The following CNKSR3 variants were observed in gnomAD, a reference collection of about 807,000 sequenced individuals.
CNKSR3 encodes the protein connector enhancer of kinase suppressor of ras 3.
Under a neutral mutation model 67.7 loss-of-function variants are expected in CNKSR3, and 36 were observed. That is an observed-to-expected ratio of 0.53 (90% CI 0.41 to 0.70). The LOEUF (loss-of-function observed/expected upper bound fraction) is 0.70. Among genes scored for constraint, CNKSR3 ranks in the 30% least tolerant of loss-of-function variants. CNKSR3 has a pLI of 0.00. For missense variants in CNKSR3, 630 were observed against 695.2 expected (o/e 0.91, Z 1.05); for synonymous variants, 281 against 271.4 (o/e 1.04, Z -0.35).
At chr6:154,495,168 C>T (rs1314494865) in intron 1 of CNKSR3, among the ~76,000 whole-genome samples, 1 of 152,126 alleles carries the variant, frequency 6.6e-6, no homozygotes, top group East Asian at 1.9e-4. Flanking sequence ...CTCATTACAA[C>T]ATGACACAAT....
chr6:154,422,282 C>T (rs373342653), intron 9 of CNKSR3, among the ~76,000 whole-genome samples: 41 of 152,192 alleles, frequency 2.7e-4, no homozygotes, highest in African/African-American at 9.2e-4. Flanking sequence ...TGAGCCACCG[C>T]GCCTGGCCTC....
rs1300314793 is a variant in CNKSR3, at chr6:154,389,264, G to C, written c.*17090C>G. On this transcript the variant is annotated 3_prime_UTR_variant, in exon 13 of 13. Coordinates refer to ENST00000607772, the MANE Select transcript of CNKSR3 (RefSeq NM_173515.4). ...TTTAATCCATTTTGAGTTGGGTTTT[G>C]TATGTGATGTAAGATAAAAGTCCAG... is the stretch of plus-strand genomic sequence containing the variant. The C allele has an allele frequency of 6.6e-6, 1 of 152,158 alleles. No homozygotes were observed. Among genetic ancestry groups the C allele is most frequent in the African/African-American group, 2.4e-5 (1 of 41,428 alleles). 9.4% of individuals were successfully genotyped at this position (152,158 alleles called of 1,614,324 possible).
chr6:154,456,238 T>A (rs73574986), intron 1 of CNKSR3, among the ~76,000 whole-genome samples: 1 of 152,074 alleles, frequency 6.6e-6, no homozygotes, highest in South Asian at 2.1e-4. Flanking sequence ...GTTCTTCCAA[T>A]GTTTTGCATT....
In CNKSR3 at chr6:154,406,168, T is replaced by G; in HGVS notation, c.*186A>C. On this transcript the variant is annotated 3_prime_UTR_variant, in exon 13 of 13. Coordinates refer to ENST00000607772, the MANE Select transcript of CNKSR3 (RefSeq NM_173515.4). ...TGTCTCCACAAGCCAGCACCTAAGATCCTCTGAATTTGTTCCCATCCAATC... is the reference window on the plus strand; with the variant it reads ...TGTCTCCACAAGCCAGCACCTAAGAGCCTCTGAATTTGTTCCCATCCAATC... 1 of 606,812 alleles carries G rather than the reference T, an allele frequency of 1.6e-6. No homozygotes were observed. Among genetic ancestry groups the G allele is most frequent in the Non-Finnish European group, 2.9e-6 (1 of 346,778 alleles). 37.6% of individuals were successfully genotyped at this position (606,812 alleles called of 1,614,324 possible).
chr6:154,412,406 A>C (rs1400279597), intron 10 of CNKSR3, among the ~76,000 whole-genome samples: 1 of 152,016 alleles, frequency 6.6e-6, no homozygotes, highest in Non-Finnish European at 1.5e-5. Context: ...AGGTTCCTTT[A>C]TCTCTCACTA....
chr6:154,484,617 G>A (rs145441705), intron 1 of CNKSR3, among the ~76,000 whole-genome samples: 1,822 of 149,818 alleles, frequency 0.012, 14 homozygotes, highest in Non-Finnish European at 0.019. Context: ...CAGAAGAATC[G>A]CCGGAACCCA....
At chr6:154,436,007 T>C (rs1187487818) in intron 4 of CNKSR3, among the ~76,000 whole-genome samples, 2 of 151,942 alleles carry the variant, frequency 1.3e-5, no homozygotes, top group Non-Finnish European at 2.9e-5. Context: ...CCTGAGAATT[T>C]GGTGTGATGG....
At chr6:154,454,539 GTTGT>G (rs1360908588) in intron 1 of CNKSR3, among the ~76,000 whole-genome samples, 1 of 151,990 alleles carries the variant, frequency 6.6e-6, no homozygotes, top group African/African-American at 2.4e-5. Context: ...GAAAAAATTT[GTTGT>G]TTGTTTGTTT....
chr6:154,435,747 G>A (rs1785457608), intron 4 of CNKSR3, among the ~76,000 whole-genome samples: 1 of 152,244 alleles, frequency 6.6e-6, no homozygotes, highest in Non-Finnish European at 1.5e-5. Context: ...TCACCTGGCA[G>A]CAGAGGCCCA....
intron 1 of CNKSR3, among the ~76,000 whole-genome samples, chr6:154,503,624 G>A (rs1266982794): frequency 7.2e-6 from 1 of 138,378 alleles, no homozygotes; most frequent in Non-Finnish European, 1.5e-5. Context: ...AAGAGAGCAA[G>A]ACCCTGCCTC....
chr6:154,509,137 G>A (rs1445750284), intron 1 of CNKSR3, among the ~76,000 whole-genome samples: 1 of 151,898 alleles, frequency 6.6e-6, no homozygotes, highest in African/African-American at 2.4e-5. Context: ...CGTTGGGGGT[G>A]GGGGGAAACC....
At chr6:154,441,260 A>AAAAAAAAAAG (rs1554233441) in intron 4 of CNKSR3, 32 bp downstream of exon 4, 5 of 1,259,580 alleles carry the variant, frequency 4.0e-6, no homozygotes, top group Non-Finnish European at 3.3e-6. Context: ...AAAAAAAAAA[A>AAAAAAAAAAG]AAAAAGAAAG....
chr6:154,395,819 C>T lies in CNKSR3; in HGVS notation c.*10535G>A, dbSNP rs1241448386. 1 of 152,422 alleles carries T rather than the reference C, an allele frequency of 6.6e-6. No individual in the cohort carries two copies. Among genetic ancestry groups the T allele is most frequent in the Non-Finnish European group, 1.5e-5 (1 of 68,230 alleles). The allele number at this position is 152,422 out of a possible 1,614,324, so 9.4% of individuals were successfully genotyped here. Reference sequence around the variant, plus strand: ...GTGCAATCTGGGCTTACTGCAGCCTCTACCTCTCAGGCTCAAGAGATCCTC... The same window carrying T: ...GTGCAATCTGGGCTTACTGCAGCCTTTACCTCTCAGGCTCAAGAGATCCTC... On this transcript the variant is annotated 3_prime_UTR_variant, in exon 13 of 13. Transcript: ENST00000607772.
At chr6:154,415,718 A>C (rs926798510) in intron 9 of CNKSR3, among the ~76,000 whole-genome samples, 2 of 152,248 alleles carry the variant, frequency 1.3e-5, no homozygotes, top group African/African-American at 4.8e-5. Context: ...CGTTTATTTT[A>C]GTACTATTTA....
chr6:154,409,591 G>A (rs1313762437), intron 12 of CNKSR3, among the ~76,000 whole-genome samples: 7 of 152,106 alleles, frequency 4.6e-5, no homozygotes, highest in African/African-American at 1.2e-4. Flanking sequence ...GGTGGCACAC[G>A]TCTGTAACAC....
rs1306140595 is a variant in CNKSR3, at chr6:154,403,450, A to G, written c.*2904T>C. 2.6e-5 allele frequency: 4 copies of G among 152,080 alleles called. No individual in the cohort carries two copies. The highest frequency in any genetic ancestry group is 9.7e-5 in the African/African-American group (4 of 41,422). 9.4% of individuals were successfully genotyped at this position (152,080 alleles called of 1,614,324 possible). A position where few individuals can be genotyped will look rare whatever the true frequency, so the allele number is the denominator to read the frequency against. ...TTTTTTAAAGAAATAAAAATAAAGA[A>G]TCCTGTCAAAAAGCATCATCAAGCA... On this transcript the variant is annotated 3_prime_UTR_variant, in exon 13 of 13. Coordinates refer to ENST00000607772, the MANE Select transcript of CNKSR3 (RefSeq NM_173515.4).
chr6:154,418,932 A>G (rs888415810), intron 9 of CNKSR3, among the ~76,000 whole-genome samples: 6 of 151,628 alleles, frequency 4.0e-5, no homozygotes, highest in Admixed American at 3.3e-4. Context: ...CAAAGTATAT[A>G]AGGAACTCAA....
At chr6:154,430,731 C>T (rs1351864474) in intron 5 of CNKSR3, 140 bp from the exon 6 acceptor site, 1 of 758,808 alleles carries the variant, frequency 1.3e-6, no homozygotes, top group Non-Finnish European at 2.1e-6. Context: ...TCAGTGAATG[C>T]ATGGCATTTA....
chr6:154,509,642 G>A (rs1246305586), intron 1 of CNKSR3, among the ~76,000 whole-genome samples: 1 of 152,148 alleles, frequency 6.6e-6, no homozygotes, highest in Non-Finnish European at 1.5e-5. Context: ...CTGGGCAGGC[G>A]GCATGGACGA....
Sources: allele counts gnomAD v4.1 joint callset (sites outside exome capture counted in the v4.1 genomes callset), GRCh38; gene constraint gnomAD v4.1.1; transcripts MANE v1.5; gene names NCBI Gene and HGNC (gene_info 2026-07-23, HGNC 2026-07-21).